The following KIAA1549L variants were observed in gnomAD, a reference collection of about 807,000 sequenced individuals.
KIAA1549L encodes the protein KIAA1549 like.
KIAA1549L carries 88 observed loss-of-function variants against 160.7 expected under a neutral mutation model. That is an observed-to-expected ratio of 0.55 (90% CI 0.46 to 0.65). The LOEUF (loss-of-function observed/expected upper bound fraction) is 0.65, where lower values mean the gene tolerates loss of function less well. Ranked by LOEUF, KIAA1549L falls within the 30% of genes least tolerant of loss-of-function variation. The probability of loss-of-function intolerance (pLI) is 0.00; values close to 1 mark genes in which losing one functional copy is unlikely to be tolerated. For synonymous variants in KIAA1549L, 950 were observed against 976.7 expected, an observed-to-expected ratio of 0.97 and a Z score of 0.51; for missense variants, 2,258 against 2,437.5, an observed-to-expected ratio of 0.93 and a Z score of 1.55.
At chr11:33,450,804 C>T (rs1182834313) in intron 1 of KIAA1549L, 2 of 152,936 alleles carry the variant, frequency 1.3e-5, no homozygotes, top group Non-Finnish European at 2.9e-5. Flanking sequence ...TCACAAAGAA[C>T]CAGAAGGGCT....
intron 1 of KIAA1549L, among the ~76,000 whole-genome samples, chr11:33,382,799 G>A (rs1205659826): frequency 6.6e-6 from 1 of 152,122 alleles, no homozygotes; most frequent in Non-Finnish European, 1.5e-5. Context: ...GGGCACTGTA[G>A]GGAGGAGTCC....
chr11:33,448,786 A>G (rs1851665917), intron 1 of KIAA1549L, among the ~76,000 whole-genome samples: 1 of 152,206 alleles, frequency 6.6e-6, no homozygotes, highest in Non-Finnish European at 1.5e-5. Context: ...TGCATTTGTG[A>G]AATACCTCCT....
At chr11:33,379,584 G>A (rs191144887) in intron 1 of KIAA1549L, among the ~76,000 whole-genome samples, 96 of 152,240 alleles carry the variant, frequency 6.3e-4, no homozygotes, top group African/African-American at 2.2e-3. Context: ...TAACTACTGA[G>A]CTTCCATTCA....
At position 33,544,782 on chromosome 11, in the gene KIAA1549L, C is replaced by T. The variant is rs1854178217; in HGVS notation, c.2789C>T (p.Ser930Phe). The T allele has an allele frequency of 6.2e-7, 1 of 1,602,846 alleles. No homozygotes were observed. Among genetic ancestry groups the T allele is most frequent in the Non-Finnish European group, 8.5e-7 (1 of 1,172,314 alleles). ...PKKWTADTVS[S>F]KVQPTAAAAV... is the part of the protein sequence containing the mutation. ...CTCTTTACAGCGGACACAGTATCAT[C>T]TAAGGTACAGCCAACAGCAGCAGCT... The change falls in exon 3 of 21, where the codon TCT (serine) becomes TTT (phenylalanine). Residue 930 changes from serine (S) to phenylalanine (F), a missense_variant. By Grantham distance (155) the Ser-to-Phe change is radical. Coordinates refer to ENST00000658780, the MANE Select transcript of KIAA1549L (RefSeq NM_012194.3).
intron 1 of KIAA1549L, among the ~76,000 whole-genome samples, chr11:33,437,941 TTC>T (rs1217612882): frequency 6.6e-6 from 1 of 152,164 alleles, no homozygotes; most frequent in Non-Finnish European, 1.5e-5. Flanking sequence ...TCTGGATTCT[TTC>T]TCTGAATCTG....
intron 1 of KIAA1549L, among the ~76,000 whole-genome samples, chr11:33,388,245 ATTC>A (rs1850211060): frequency 6.6e-6 from 1 of 152,190 alleles, no homozygotes; most frequent in Non-Finnish European, 1.5e-5. Flanking sequence ...AAACAAACAC[ATTC>A]TTCTTCATAT....
chr11:33,581,775 C>T (rs978408620), intron 10 of KIAA1549L, among the ~76,000 whole-genome samples: 2 of 152,104 alleles, frequency 1.3e-5, no homozygotes, highest in Non-Finnish European at 2.9e-5. Flanking sequence ...CTTCAGTTGA[C>T]CTAACTTTAC....
chr11:33,525,949 C>T (rs1853601067), intron 1 of KIAA1549L, among the ~76,000 whole-genome samples: 1 of 152,040 alleles, frequency 6.6e-6, no homozygotes, highest in Admixed American at 6.6e-5. Context: ...GCTGCCTCCC[C>T]CACATTCCCC....
rs1299778498 is a variant in KIAA1549L, at chr11:33,667,848, CCTT to C, written c.6160-22_6160-20del. 6 of 1,590,622 alleles carry C rather than the reference CCTT, an allele frequency of 3.8e-6. No individual in the cohort carries two copies. In the South Asian group the frequency reaches 4.6e-5, roughly 12 times the overall value. ...GCTCCTTCCTCATGCCAGGCCCTGT[CCTT>C]CTCTCCCCACGCCCTCTGCAGGTGC... On this transcript the variant is annotated intron_variant, in intron 20 of 20. Coordinates refer to ENST00000658780, the MANE Select transcript of KIAA1549L (RefSeq NM_012194.3).
chr11:33,610,421 C>T (rs1850619661), intron 15 of KIAA1549L, among the ~76,000 whole-genome samples: 5 of 152,220 alleles, frequency 3.3e-5, no homozygotes, highest in Admixed American at 3.3e-4. Flanking sequence ...TGGTTTATCT[C>T]ATTCATTCAC....
chr11:33,445,785 G>A (rs1851598703), intron 1 of KIAA1549L, among the ~76,000 whole-genome samples: 1 of 152,124 alleles, frequency 6.6e-6, no homozygotes. Flanking sequence ...AAGTGCTTAG[G>A]GAAGTGTCTG....
intron 1 of KIAA1549L, among the ~76,000 whole-genome samples, chr11:33,390,736 T>C (rs540029179): frequency 6.6e-6 from 1 of 152,200 alleles, no homozygotes; most frequent in Non-Finnish European, 1.5e-5. Flanking sequence ...AAAAGACAAC[T>C]TCACATGTTG....
intron 4 of KIAA1549L, among the ~76,000 whole-genome samples, chr11:33,550,164 A>C (rs545039583): frequency 6.6e-6 from 1 of 152,206 alleles, no homozygotes; most frequent in South Asian, 2.1e-4. Flanking sequence ...ACTGAACAGC[A>C]CACTAAAAAA....
At chr11:33,530,425 AAAAAAAAAAAAATATATATATATATATAT>A (rs1305115871) in intron 1 of KIAA1549L, among the ~76,000 whole-genome samples, 1,462 of 39,534 alleles carry the variant, frequency 0.037, 109 homozygotes, top group Admixed American at 0.09. Flanking sequence ...AAAAAAAAAA[AAAAAAAAAAAAATATATATATATATATAT>A]ATATATATAT....
chr11:33,485,830 A>G (rs1390734856), intron 1 of KIAA1549L, among the ~76,000 whole-genome samples: 2 of 151,576 alleles, frequency 1.3e-5, no homozygotes, highest in South Asian at 2.1e-4. Context: ...CTCTGCTTCT[A>G]TGAGTTCGAC....
chr11:33,426,219 A>G (rs528153517), intron 1 of KIAA1549L, among the ~76,000 whole-genome samples: 14 of 152,352 alleles, frequency 9.2e-5, no homozygotes, highest in Non-Finnish European at 1.9e-4. Context: ...GAGGAAGCCA[A>G]GTGAAGCGTA....
intron 1 of KIAA1549L, among the ~76,000 whole-genome samples, chr11:33,463,551 C>A (rs528779687): frequency 1.3e-5 from 2 of 152,220 alleles, no homozygotes; most frequent in East Asian, 3.9e-4. Context: ...AATGATGATT[C>A]TCTGTTGTTG....
At chr11:33,560,454 G>C (rs1055901133) in intron 7 of KIAA1549L, among the ~76,000 whole-genome samples, 29 of 152,262 alleles carry the variant, frequency 1.9e-4, no homozygotes, top group African/African-American at 7.0e-4. Context: ...CTTGAGGCTC[G>C]GTCCTGCCTC....
intron 1 of KIAA1549L, among the ~76,000 whole-genome samples, chr11:33,512,122 G>C (rs1853240768): frequency 6.6e-6 from 1 of 152,152 alleles, no homozygotes. Context: ...ACTCTAGAGG[G>C]TCACGTAAAA....
Sources: gnomAD v4.1 joint callset for allele counts (sites outside exome capture counted in the v4.1 genomes callset) on GRCh38, gnomAD v4.1.1 for gene constraint, MANE v1.5 for transcripts, NCBI Gene and HGNC (gene_info 2026-07-23, HGNC 2026-07-21) for gene names.